The following DNER variants were observed in gnomAD, a reference collection of about 807,000 sequenced individuals.
DNER encodes the protein delta and Notch-like epidermal growth factor-related receptor.
A neutral mutation model predicts 78.2 loss-of-function variants in DNER; 33 were observed. The ratio of observed to expected loss-of-function variants is 0.42; its 90% CI spans 0.32 to 0.56. The LOEUF is 0.56. Ranked by LOEUF, DNER falls within the 20% of genes least tolerant of loss-of-function variation. The pLI is 0.11. For synonymous variants in DNER, 417 were observed against 384.8 expected, an observed-to-expected ratio of 1.08 and a Z score of -0.98; for missense variants, 918 against 975.3, an observed-to-expected ratio of 0.94 and a Z score of 0.78.
chr2:229,549,088 C>T (rs552240809), intron 4 of DNER, among the ~76,000 whole-genome samples: 3 of 152,130 alleles, frequency 2.0e-5, no homozygotes, highest in Admixed American at 6.5e-5. Context: ...CATTAAGAAA[C>T]GCTGTTACGC....
intron 1 of DNER, among the ~76,000 whole-genome samples, chr2:229,616,081 G>C (rs1157252093): frequency 6.6e-6 from 1 of 152,248 alleles, no homozygotes; most frequent in Non-Finnish European, 1.5e-5. Context: ...ATTAAAAACT[G>C]CAAAACTGAT....
chr2:229,592,426 C>G (rs148420146), intron 1 of DNER, among the ~76,000 whole-genome samples: 1 of 152,194 alleles, frequency 6.6e-6, no homozygotes. Context: ...TAATTAAAGA[C>G]TTCCAAAATG....
intron 1 of DNER, among the ~76,000 whole-genome samples, chr2:229,671,649 A>G (rs1440605450): frequency 6.6e-6 from 1 of 152,224 alleles, no homozygotes; most frequent in Non-Finnish European, 1.5e-5. Context: ...TATGGGCTGA[A>G]TTAATTGCTA....
chr2:229,386,286 G>A (rs1670984308), intron 11 of DNER, among the ~76,000 whole-genome samples: 1 of 152,162 alleles, frequency 6.6e-6, no homozygotes, highest in African/African-American at 2.4e-5. Context: ...AACGGAAACT[G>A]GACCCCTTCC....
chr2:229,676,962 C>T (rs1699309973), intron 1 of DNER, among the ~76,000 whole-genome samples: 2 of 152,112 alleles, frequency 1.3e-5, no homozygotes, highest in Admixed American at 6.5e-5. Context: ...ACATGATTTC[C>T]TACAAAACCT....
intron 7 of DNER, among the ~76,000 whole-genome samples, chr2:229,473,727 C>G (rs187324578): frequency 2.6e-5 from 4 of 152,190 alleles, no homozygotes; most frequent in African/African-American, 9.6e-5. Context: ...CAAAGAATAA[C>G]ACAGAGAAGC....
At chr2:229,461,535 C>CA (rs1694701466) in intron 7 of DNER, among the ~76,000 whole-genome samples, 1 of 151,774 alleles carries the variant, frequency 6.6e-6, no homozygotes, top group Admixed American at 6.5e-5. Context: ...ATTTAACCTC[C>CA]AAAATATGAA....
At chr2:229,648,270 G>A (rs531934016) in intron 1 of DNER, among the ~76,000 whole-genome samples, 1 of 152,304 alleles carries the variant, frequency 6.6e-6, no homozygotes, top group South Asian at 2.1e-4. Flanking sequence ...CAGGAGTCTA[G>A]CGCAGTATGT....
chr2:229,686,038 T>C (rs1214894540), intron 1 of DNER, among the ~76,000 whole-genome samples: 1 of 152,094 alleles, frequency 6.6e-6, no homozygotes, highest in Non-Finnish European at 1.5e-5. Context: ...AGCCCATATG[T>C]TTGTGCTGGG....
chr2:229,438,521 G>A (rs75011786), intron 8 of DNER, among the ~76,000 whole-genome samples: 9,121 of 152,154 alleles, frequency 0.06, 546 homozygotes, highest in African/African-American at 0.16. Context: ...ATACTCCAAC[G>A]GGGGGCAAGT....
intron 4 of DNER, among the ~76,000 whole-genome samples, chr2:229,566,828 G>A (rs1697119287): frequency 6.6e-6 from 1 of 152,104 alleles, no homozygotes; most frequent in African/African-American, 2.4e-5. Flanking sequence ...ATTGACTTAG[G>A]GATGACTTGT....
intron 1 of DNER, among the ~76,000 whole-genome samples, chr2:229,622,197 A>C (rs775401230): frequency 6.6e-6 from 1 of 152,226 alleles, no homozygotes; most frequent in Non-Finnish European, 1.5e-5. Context: ...ATTTTCAAAG[A>C]GCTTGACAGC....
Position 229,699,720 on chromosome 2 carries a change from G to A in DNER, c.276+14428C>T, listed in dbSNP as rs75182170. Among the ~76,000 whole-genome samples, 66 of 152,194 alleles carry A rather than the reference G, an allele frequency of 4.3e-4. No individual in the cohort carries two copies. The East Asian group carries it at 0.011, about 25-fold the overall frequency. ...ATCAACCTTATCAATACAAATCTTG[G>A]ACAAAATAGAATTTTTCAAAAGCAA... On this transcript the variant is annotated intron_variant, in intron 1 of 12. Transcript: ENST00000341772.
intron 6 of DNER, among the ~76,000 whole-genome samples, chr2:229,493,374 T>C (rs1386124755): frequency 1.3e-5 from 2 of 152,202 alleles, no homozygotes; most frequent in Admixed American, 1.3e-4. Context: ...ATTATATTCT[T>C]GAAATTAGAA....
chr2:229,595,259 A>G (rs1329044150), intron 1 of DNER, among the ~76,000 whole-genome samples: 1 of 151,958 alleles, frequency 6.6e-6, no homozygotes, highest in Admixed American at 6.6e-5. Flanking sequence ...ACTTTTACCC[A>G]GAATAAAGGC....
chr2:229,638,396 A>C (rs1451833601), intron 1 of DNER, among the ~76,000 whole-genome samples: 1 of 152,246 alleles, frequency 6.6e-6, no homozygotes, highest in Non-Finnish European at 1.5e-5. Context: ...AGTAGGGAAG[A>C]GTCCAGAAAT....
intron 4 of DNER, among the ~76,000 whole-genome samples, chr2:229,548,823 A>G (rs1448291840): frequency 6.6e-6 from 1 of 152,238 alleles, no homozygotes; most frequent in Non-Finnish European, 1.5e-5. Flanking sequence ...TCATTGATCT[A>G]AAGATAGGGG....
At chr2:229,482,540 A>T (rs1695186882) in intron 6 of DNER, among the ~76,000 whole-genome samples, 1 of 152,026 alleles carries the variant, frequency 6.6e-6, no homozygotes, top group South Asian at 2.1e-4. Context: ...CCCAGGCCTC[A>T]CTCTATTCCG....
chr2:229,381,417 A>G (rs1025134140), intron 11 of DNER, among the ~76,000 whole-genome samples: 1 of 152,040 alleles, frequency 6.6e-6, no homozygotes, highest in African/African-American at 2.4e-5. Flanking sequence ...CTGGAACACC[A>G]GTGAGACAAA....
Sources: gnomAD v4.1 joint callset for allele counts (sites outside exome capture counted in the v4.1 genomes callset) on GRCh38, gnomAD v4.1.1 for gene constraint, MANE v1.5 for transcripts, NCBI Gene and HGNC (gene_info 2026-07-23, HGNC 2026-07-21) for gene names.